The following NLK variants were observed in gnomAD, a reference collection of about 807,000 sequenced individuals.
The protein encoded by NLK is serine/threonine-protein kinase NLK.
Under a neutral mutation model 59.0 loss-of-function variants are expected in NLK, and 11 were observed. The observed-to-expected ratio is 0.19, with a 90% confidence interval of 0.12 to 0.31. NLK has a LOEUF of 0.31. Among genes scored for constraint, NLK ranks in the 10% least tolerant of loss-of-function variants. NLK has a pLI of 1.00. For missense variants in NLK, 410 were observed against 661.1 expected (o/e 0.62, Z 4.16); for synonymous variants, 235 against 235.9 (o/e 1.00, Z 0.03).
intron 3 of NLK, among the ~76,000 whole-genome samples, chr17:28,159,549 A>G (rs1190633055): frequency 6.6e-6 from 1 of 152,242 alleles, no homozygotes; most frequent in Non-Finnish European, 1.5e-5. Context: ...TCATCATTTT[A>G]TAGAATAATT....
At chr17:28,135,712 A>G (rs1451894822) in intron 3 of NLK, among the ~76,000 whole-genome samples, 3 of 152,258 alleles carry the variant, frequency 2.0e-5, no homozygotes, top group Non-Finnish European at 4.4e-5. Flanking sequence ...ATGTGGATAT[A>G]TTGAATAAAT....
intron 1 of NLK, among the ~76,000 whole-genome samples, chr17:28,100,729 T>C (rs951444092): frequency 6.6e-6 from 1 of 152,202 alleles, no homozygotes; most frequent in Non-Finnish European, 1.5e-5. Flanking sequence ...TTTCATCTAT[T>C]TTTTTACTTT....
chr17:28,067,320 A>T (rs1176033296), intron 1 of NLK, among the ~76,000 whole-genome samples: 1 of 152,148 alleles, frequency 6.6e-6, no homozygotes, highest in African/African-American at 2.4e-5. Flanking sequence ...TGTTTTTTAC[A>T]AAAAGAACAT....
At chr17:28,063,301 T>C (rs1267308777) in intron 1 of NLK, among the ~76,000 whole-genome samples, 2 of 152,220 alleles carry the variant, frequency 1.3e-5, no homozygotes, top group Non-Finnish European at 2.9e-5. Flanking sequence ...GATAACACAG[T>C]GAGAACATCT....
chr17:28,087,919 A>G (rs1393175468), intron 1 of NLK, among the ~76,000 whole-genome samples: 1 of 152,074 alleles, frequency 6.6e-6, no homozygotes, highest in Non-Finnish European at 1.5e-5. Context: ...TTATAGCTTA[A>G]TATGGTGAAT....
chr17:28,091,832 G>A (rs1567711551), intron 1 of NLK, among the ~76,000 whole-genome samples: 1 of 152,156 alleles, frequency 6.6e-6, no homozygotes, highest in Admixed American at 6.5e-5. Context: ...ATAATACTGG[G>A]TAATGTTCCC....
At chr17:28,089,180 C>T (rs766646716) in intron 1 of NLK, among the ~76,000 whole-genome samples, 61 of 152,300 alleles carry the variant, frequency 4.0e-4, no homozygotes, top group Admixed American at 6.5e-4. Flanking sequence ...AGTCAAGATT[C>T]TGAACATATT....
chr17:28,055,971 CCTT>C (rs1192846313), intron 1 of NLK, among the ~76,000 whole-genome samples: 1 of 152,150 alleles, frequency 6.6e-6, no homozygotes, highest in Admixed American at 6.5e-5. Flanking sequence ...TCACCCTCCT[CCTT>C]ATTATCAGAG....
intron 1 of NLK, among the ~76,000 whole-genome samples, chr17:28,063,873 C>T (rs923597042): frequency 6.6e-6 from 1 of 152,162 alleles, no homozygotes; most frequent in Non-Finnish European, 1.5e-5. Context: ...CAAGCCTTGA[C>T]AAAAGGTAAA....
At chr17:28,161,567 T>C (rs1395871638) in intron 4 of NLK, among the ~76,000 whole-genome samples, 2 of 152,210 alleles carry the variant, frequency 1.3e-5, no homozygotes, top group Non-Finnish European at 2.9e-5. Context: ...AAACAGCCTT[T>C]AGTTTTCAAC....
chr17:28,124,813 G>T (rs1190399139), intron 2 of NLK, among the ~76,000 whole-genome samples: 1 of 152,080 alleles, frequency 6.6e-6, no homozygotes, highest in Non-Finnish European at 1.5e-5. Context: ...ACTTTGGGAG[G>T]CCAAGGCAGC....
At position 28,161,939 on chromosome 17, in the gene NLK, TC is replaced by T. The variant is rs34025385; in HGVS notation, c.751+678del. Among the ~76,000 whole-genome samples the T allele has an allele frequency of 3.7e-3, 569 of 152,170 alleles. 5 individuals are homozygous for T. Among genetic ancestry groups the T allele is most frequent in the African/African-American group, 0.013 (532 of 41,508 alleles). Reference sequence around the variant, plus strand: ...TTCTTACCTAGTAAGCAAAATACTTTCCCCCTGCCCCAGAATTCATAGAATT... The same window carrying T: ...TTCTTACCTAGTAAGCAAAATACTTTCCCCTGCCCCAGAATTCATAGAATT... On this transcript the variant is annotated intron_variant, in intron 4 of 10. Transcript: ENST00000407008.
downstream of NLK, among the ~76,000 whole-genome samples, chr17:28,199,665 C>CAAAAAAAAAAAAAAAAAAAAA (rs1303411168): frequency 1.2e-4 from 4 of 33,576 alleles, no homozygotes; most frequent in African/African-American, 2.3e-4. Flanking sequence ...GACTCTGTCT[C>CAAAAAAAAAAAAAAAAAAAAA]AAAAAAAAAA....
chr17:28,204,309 A>G, the NLK span, among the ~76,000 whole-genome samples: 2 of 152,248 alleles, frequency 1.3e-5, no homozygotes, highest in East Asian at 3.9e-4. Flanking sequence ...CTGTGGGGTG[A>G]GGTATGGGGC....
chr17:28,194,442 ATTCAAC>A, intron 10 of NLK, 134 bp from the exon 11 acceptor site: 1 of 617,344 alleles, frequency 1.6e-6, no homozygotes. Context: ...CTTAGAATAA[ATTCAAC>A]TTCAAAGAAA....
At chr17:28,187,161 G>A (rs1460395781) in intron 8 of NLK, among the ~76,000 whole-genome samples, 1 of 152,308 alleles carries the variant, frequency 6.6e-6, no homozygotes, top group Non-Finnish European at 1.5e-5. Flanking sequence ...AAATTTATGT[G>A]TTAGAAATAT....
chr17:28,048,025 A>T (rs558792637), intron 1 of NLK: 6 of 398,388 alleles, frequency 1.5e-5, no homozygotes, highest in African/African-American at 1.0e-4. Context: ...GAAGAAGCAG[A>T]GCCTGCACCA....
At chr17:28,054,747 T>C (rs891269400) in intron 1 of NLK, among the ~76,000 whole-genome samples, 4 of 152,206 alleles carry the variant, frequency 2.6e-5, no homozygotes, top group African/African-American at 9.7e-5. Context: ...GAGGAGAACA[T>C]TTAACATTTA....
At chr17:28,205,065 C>T in the NLK span, among the ~76,000 whole-genome samples, 2 of 152,130 alleles carry the variant, frequency 1.3e-5, no homozygotes, top group African/African-American at 2.4e-5. Context: ...ATGGAGATAC[C>T]ATTCATGGAG....
Sources: allele counts gnomAD v4.1 joint callset (sites outside exome capture counted in the v4.1 genomes callset), GRCh38; gene constraint gnomAD v4.1.1; transcripts MANE v1.5; gene names NCBI Gene and HGNC (gene_info 2026-07-23, HGNC 2026-07-21).